ZNF605: variants seen among roughly 807,000 people sequenced by gnomAD.
The protein encoded by ZNF605 is zinc finger protein 605.
In ZNF605, 9 loss-of-function variants were observed where a neutral mutation model predicts 7.9. The ratio of observed to expected loss-of-function variants is 1.14; its 90% confidence interval spans 0.68 to 1.98. The LOEUF (loss-of-function observed/expected upper bound fraction) is 1.98. Ranked by LOEUF, ZNF605 falls within the 30% of genes most tolerant of loss-of-function variation. The probability of loss-of-function intolerance (pLI) is 0.00; values close to 1 mark genes in which losing one functional copy is unlikely to be tolerated. For synonymous variants in ZNF605, 255 were observed against 260.1 expected, an observed-to-expected ratio of 0.98 and a Z score of 0.19; for missense variants, 673 against 762.4, an observed-to-expected ratio of 0.88 and a Z score of 1.38.
At chr12:132,934,729 A>G (rs2137135824) in intron 3 of ZNF605, among the ~76,000 whole-genome samples, 1 of 147,220 alleles carries the variant, frequency 6.8e-6, no homozygotes, top group African/African-American at 2.5e-5. Flanking sequence ...AAAAGATTCC[A>G]GGAACCATAA....
At chr12:132,937,480 T>C (rs1201884331) in intron 3 of ZNF605, among the ~76,000 whole-genome samples, 1 of 151,712 alleles carries the variant, frequency 6.6e-6, no homozygotes, top group African/African-American at 2.4e-5. Flanking sequence ...TACTATGTAC[T>C]TATTAGAAGG....
chr12:132,944,062 T>G (rs1952473432), intron 3 of ZNF605, among the ~76,000 whole-genome samples: 1 of 152,132 alleles, frequency 6.6e-6, no homozygotes, highest in Non-Finnish European at 1.5e-5. Context: ...AGAAAATCAA[T>G]CCTTTATCAC....
Position 132,948,281 on chromosome 12 carries a change from A to G in ZNF605, c.-285-11T>C, listed in dbSNP as rs1207198546. On this transcript the variant is annotated splice_polypyrimidine_tract_variant and intron_variant, in intron 1 of 4. Transcript: ENST00000360187. ...TTCATCAGAATGAGTCTGAAAAGAA[A>G]TGTCCAAAAAAAGCTTCCTGTAAAC... 3.9e-5 allele frequency: 6 copies of G among 152,244 alleles called. No individual in the cohort carries two copies. Among genetic ancestry groups the G allele is most frequent in the African/African-American group, 1.2e-4 (5 of 41,472 alleles). 9.4% of individuals were successfully genotyped at this position (152,244 alleles called of 1,614,324 possible).
Position 132,925,997 on chromosome 12 carries a change from G to C in ZNF605, c.1302C>G (p.Ser434=), listed in dbSNP as rs750086383. The C allele has an allele frequency of 6.2e-7, 1 of 1,613,972 alleles. No homozygotes were observed. The highest frequency in any genetic ancestry group is 8.5e-7 in the Non-Finnish European group (1 of 1,179,986). The change falls in exon 5 of 5, where the codon TCC becomes TCG. Residue 434 remains serine (S), a synonymous_variant. Transcript: ENST00000360187. ...IQCGKTFFGK[S]QLLTHHRTHT... ...GTGTTCTGTGATGCGTTAGGAGCTG[G>C]GACTTCCCAAAGAAGGTTTTCCCAC...
chr12:132,952,487 C>T (rs1011159653), intron 1 of ZNF605, among the ~76,000 whole-genome samples: 14 of 149,684 alleles, frequency 9.4e-5, no homozygotes, highest in African/African-American at 3.4e-4. Flanking sequence ...TTAACTGTGA[C>T]CAAGGGATGA....
In ZNF605 at chr12:132,925,373, T is replaced by C. The variant is rs1952236635; in HGVS notation, c.1926A>G (p.Ter642=). 1 of 1,567,992 alleles carries C rather than the reference T, an allele frequency of 6.4e-7. No homozygotes were observed. The highest frequency in any genetic ancestry group is 1.9e-5 in the Admixed American group (1 of 51,696). The change falls in exon 5 of 5, where the codon TAA becomes TAG. Residue 642 remains the stop codon, a stop_retained_variant. Transcript: ENST00000360187. ...TCTGCATTCGCCAAAGTCATGATTT[T>C]TATATTATATGATTTCTCTGATGTA... The part of the protein sequence containing the change: ...LMIHQRNHII[*]
rs1215820073 is a variant in ZNF605, at chr12:132,924,988, T to G, written c.*385A>C. ...AACCTCTGTAGGTATTATTCTCAAG[T>G]GTACAGTGAGTTGTCCTTTCTTGAA... On this transcript the variant is annotated 3_prime_UTR_variant, in exon 5 of 5. Coordinates refer to ENST00000360187, the MANE Select transcript of ZNF605 (RefSeq NM_183238.4). 5.9e-6 allele frequency: 1 copy of G among 170,752 alleles called. No individual in the cohort carries two copies. Among genetic ancestry groups the G allele is most frequent in the Non-Finnish European group, 1.2e-5 (1 of 80,448 alleles). 10.6% of individuals were successfully genotyped at this position (170,752 alleles called of 1,614,324 possible).
At chr12:132,929,280 A>G (rs925583743) in intron 4 of ZNF605, among the ~76,000 whole-genome samples, 1 of 151,694 alleles carries the variant, frequency 6.6e-6, no homozygotes, top group Non-Finnish European at 1.5e-5. Flanking sequence ...GGTGGTGCAC[A>G]CCTGTAGTCC....
chr12:132,948,442 C>T (rs1166817821), intron 1 of ZNF605, 172 bp from the exon 2 acceptor site: 1 of 152,272 alleles, frequency 6.6e-6, no homozygotes, highest in Non-Finnish European at 1.5e-5. Context: ...TCTGAAGCTC[C>T]CAGGGCTGAA....
At position 132,941,823 on chromosome 12, in the gene ZNF605, C is replaced by T. The variant is rs911358759; in HGVS notation, c.15+3798G>A. ...GGCTGCCCTCTGTCACGCTCCTTCT[C>T]GAGGCTGCCCTCCATCACGCGTCCT... On this transcript the variant is annotated intron_variant, in intron 3 of 4. Coordinates refer to ENST00000360187, the MANE Select transcript of ZNF605 (RefSeq NM_183238.4). This position sits in a 1 kb window ranked among gnomAD's most constrained non-coding sequence, Gnocchi z 5.1. Among the ~76,000 whole-genome samples, 5 of 152,044 alleles carry T rather than the reference C, an allele frequency of 3.3e-5. No homozygotes were observed. The highest frequency in any genetic ancestry group is 7.4e-5 in the Non-Finnish European group (5 of 68,004).
Position 132,926,432 on chromosome 12 carries a change from T to A in ZNF605, c.867A>T (p.Ala289=), listed in dbSNP as rs1275080161. ...KPYSCSECGK[A]FSQKLKLITH... is the part of the protein sequence containing the mutation. The stretch of plus-strand genomic sequence containing the variant: ...TGATGAGTTTTAATTTCTGGGAGAA[T>A]GCTTTCCCACACTCACTGCAACTGT... Residue 289 remains alanine (A), a synonymous_variant, in exon 5 of 5, where the codon GCA becomes GCT. Transcript: ENST00000360187. 1.9e-6 allele frequency: 3 copies of A among 1,613,654 alleles called. No individual in the cohort carries two copies. In the Admixed American group the frequency reaches 5.0e-5, roughly 27 times the overall value.
rs931732412 is a variant in ZNF605, at chr12:132,933,587, C to T, written c.16-432G>A. Among the ~76,000 whole-genome samples, 1 of 152,166 alleles carries T rather than the reference C, an allele frequency of 6.6e-6. No homozygotes were observed. Among genetic ancestry groups the T allele is most frequent in the Non-Finnish European group, 1.5e-5 (1 of 68,030 alleles). ...TCACTGCATCATGTGAGACCCTCAA[C>T]CAGAACCAACTGGGCAAGTACCTGG... On this transcript the variant is annotated intron_variant, in intron 3 of 4. Transcript: ENST00000360187. This position sits in a 1 kb window ranked among gnomAD's most constrained non-coding sequence, Gnocchi z 4.4.
chr12:132,937,667 C>G (rs1335108092), intron 3 of ZNF605, among the ~76,000 whole-genome samples: 1 of 152,174 alleles, frequency 6.6e-6, no homozygotes, highest in Non-Finnish European at 1.5e-5. Flanking sequence ...ACTTACCACA[C>G]AACGCAGCAA....
intron 1 of ZNF605, among the ~76,000 whole-genome samples, chr12:132,950,132 G>T (rs918509742): frequency 6.6e-6 from 1 of 151,898 alleles, no homozygotes; most frequent in Admixed American, 6.6e-5. Context: ...CCAAACCTGG[G>T]GTCCCTGAGA....
intron 4 of ZNF605, among the ~76,000 whole-genome samples, chr12:132,928,954 T>C (rs1289885948): frequency 6.6e-6 from 1 of 150,996 alleles, no homozygotes; most frequent in African/African-American, 2.4e-5. Context: ...AGGTTGAGGT[T>C]GCAGTGACCC....
Position 132,941,337 on chromosome 12 carries a change from A to C in ZNF605, c.15+4284T>G, listed in dbSNP as rs1952438909. 6.6e-6 allele frequency among the ~76,000 whole-genome samples: 1 copy of C among 152,126 alleles called. No individual in the cohort carries two copies. The highest frequency in any genetic ancestry group is 6.5e-5 in the Admixed American group (1 of 15,268). ...CTCTGGTCAAGGCTAGCAGCGCCCA[A>C]AGGTAGATTGCCAGGTCAATCGGCC... On this transcript the variant is annotated intron_variant, in intron 3 of 4. Transcript: ENST00000360187. This position sits in a 1 kb window ranked among gnomAD's most constrained non-coding sequence, Gnocchi z 5.1.
In ZNF605 at chr12:132,932,544, A is replaced by T. The variant is rs111847189; in HGVS notation, c.136+491T>A. Among the ~76,000 whole-genome samples, 1,496 of 152,282 alleles carry T rather than the reference A, an allele frequency of 9.8e-3. 14 individuals carry two copies. The highest frequency in any genetic ancestry group is 0.031 in the African/African-American group (1,296 of 41,552). ...AAAGACACATCCCGATGTGGAGACC[A>T]GGTTATGGAGCACATCCATTAAAAC... On this transcript the variant is annotated intron_variant, in intron 4 of 4. Transcript: ENST00000360187.
intron 3 of ZNF605, among the ~76,000 whole-genome samples, chr12:132,938,969 C>T (rs555644359): frequency 0.031 from 4,670 of 151,892 alleles, 251 homozygotes; most frequent in African/African-American, 0.11. Context: ...GATTTCTCAC[C>T]GAGCCTTAGC....
In ZNF605 at chr12:132,925,589, G is replaced by T; in HGVS notation, c.1710C>A (p.Phe570Leu). The part of the protein sequence containing the change: ...TYGCSDCAKA[F>L]FEKAQLIIHQ... ...GTATAATCAGCTGTGCCTTCTCAAA[G>T]AAAGCTTTTGCACAATCGCTGCATC... The change falls in exon 5 of 5, where the codon TTC (phenylalanine) becomes TTA (leucine). Residue 570 changes from phenylalanine to leucine, a missense_variant. Coordinates refer to ENST00000360187, the MANE Select transcript of ZNF605 (RefSeq NM_183238.4). 6.2e-7 allele frequency: 1 copy of T among 1,614,058 alleles called. No homozygotes were observed. The highest frequency in any genetic ancestry group is 8.5e-7 in the Non-Finnish European group (1 of 1,180,026).
Sources: gnomAD v4.1 joint callset for allele counts (sites outside exome capture counted in the v4.1 genomes callset) on GRCh38, gnomAD v4.1.1 for gene constraint, Gnocchi (gnomAD v3.1) non-coding constraint, MANE v1.5 for transcripts, NCBI Gene and HGNC (gene_info 2026-07-23, HGNC 2026-07-21) for gene names.